Variants in GPATCH2 observed in about 807,000 individuals in gnomAD.
GPATCH2 encodes the protein G-patch domain containing 2.
In GPATCH2, 51 loss-of-function variants were observed where a neutral mutation model predicts 58.0. The ratio of observed to expected loss-of-function variants is 0.88; its 90% CI spans 0.70 to 1.11. The LOEUF is 1.11. Ranked by LOEUF, GPATCH2 falls within the 50% of genes most tolerant of loss-of-function variation. GPATCH2 has a pLI of 0.00. For synonymous variants in GPATCH2, 222 were observed against 218.5 expected, an observed-to-expected ratio of 1.02 and a Z score of -0.14; for missense variants, 625 against 652.2, an observed-to-expected ratio of 0.96 and a Z score of 0.45.
chr1:217,583,381 C>T (rs889018309), intron 5 of GPATCH2, among the ~76,000 whole-genome samples: 2 of 151,718 alleles, frequency 1.3e-5, no homozygotes, highest in Admixed American at 6.6e-5. Flanking sequence ...ACCAGCCTGG[C>T]AAACATGGTG....
chr1:217,544,439 ATCCTT>A (rs917411173), intron 5 of GPATCH2, among the ~76,000 whole-genome samples: 7 of 152,216 alleles, frequency 4.6e-5, no homozygotes, highest in African/African-American at 1.7e-4. Context: ...TGCGTCCACT[ATCCTT>A]TCCAACCCAG....
intron 5 of GPATCH2, among the ~76,000 whole-genome samples, chr1:217,568,981 G>T (rs1571935516): frequency 1.3e-5 from 2 of 152,096 alleles, no homozygotes; most frequent in South Asian, 4.2e-4. Flanking sequence ...GAATACATCT[G>T]CAAATAGATC....
At chr1:217,556,149 T>C (rs1457994955) in intron 5 of GPATCH2, among the ~76,000 whole-genome samples, 1 of 152,084 alleles carries the variant, frequency 6.6e-6, no homozygotes, top group Admixed American at 6.6e-5. Context: ...CATAAGAAAA[T>C]CCTAACATCT....
chr1:217,571,309 A>C (rs1253990560), intron 5 of GPATCH2, among the ~76,000 whole-genome samples: 2 of 152,176 alleles, frequency 1.3e-5, no homozygotes, highest in African/African-American at 2.4e-5. Flanking sequence ...GTGTAAATTG[A>C]GTTTTAGTTG....
At chr1:217,567,552 T>C (rs1170959377) in intron 5 of GPATCH2, among the ~76,000 whole-genome samples, 1 of 152,200 alleles carries the variant, frequency 6.6e-6, no homozygotes, top group Non-Finnish European at 1.5e-5. Flanking sequence ...TTTGTTCCCT[T>C]ATATCTGATT....
At chr1:217,463,276 T>C (rs993636140) in intron 8 of GPATCH2, among the ~76,000 whole-genome samples, 12 of 152,290 alleles carry the variant, frequency 7.9e-5, no homozygotes, top group African/African-American at 2.6e-4. Flanking sequence ...CACCAAATCA[T>C]AGTTTCTCAA....
rs561608890 is a variant in GPATCH2, at chr1:217,534,713, A to G, written c.1099-19824T>C. Among the ~76,000 whole-genome samples the G allele has an allele frequency of 2.0e-5, 3 of 152,280 alleles. No homozygotes were observed. The South Asian group carries it at 6.2e-4, about 32-fold the overall frequency. ...GCTGGATCCTTTTGGCCCTTTCCCA[A>G]TTCTCACTGGGTTACCAGATGTCAC... On this transcript the variant is annotated intron_variant, in intron 5 of 9. Transcript: ENST00000366935.
At chr1:217,547,668 C>A (rs762325330) in intron 5 of GPATCH2, among the ~76,000 whole-genome samples, 5 of 152,150 alleles carry the variant, frequency 3.3e-5, no homozygotes, top group Admixed American at 6.5e-5. Flanking sequence ...CACACAGACA[C>A]CATGGAATAC....
At chr1:217,498,662 G>A in intron 6 of GPATCH2, 1 of 548,438 alleles carries the variant, frequency 1.8e-6, no homozygotes, top group Non-Finnish European at 3.2e-6. Context: ...AAACTGCTGG[G>A]ACTGTATTCA....
At chr1:217,524,485 G>C (rs1357471063) in intron 5 of GPATCH2, among the ~76,000 whole-genome samples, 1 of 151,888 alleles carries the variant, frequency 6.6e-6, no homozygotes, top group Non-Finnish European at 1.5e-5. Context: ...CTGCAATCTC[G>C]GCTCTTTAGG....
chr1:217,537,718 A>T (rs1027348686), intron 5 of GPATCH2, among the ~76,000 whole-genome samples: 1 of 151,932 alleles, frequency 6.6e-6, no homozygotes. Flanking sequence ...TACATAAGGA[A>T]AAAAGGAAAT....
chr1:217,457,784 C>T (rs1660011472), intron 8 of GPATCH2, among the ~76,000 whole-genome samples: 1 of 152,092 alleles, frequency 6.6e-6, no homozygotes, highest in African/African-American at 2.4e-5. Context: ...TTAAATGTGT[C>T]ATAACATACA....
At chr1:217,453,903 G>A (rs1347140237) in intron 8 of GPATCH2, among the ~76,000 whole-genome samples, 2 of 152,150 alleles carry the variant, frequency 1.3e-5, no homozygotes, top group Admixed American at 1.3e-4. Flanking sequence ...GTGTTCCCAA[G>A]CAGCCTCGGA....
intron 8 of GPATCH2, among the ~76,000 whole-genome samples, chr1:217,468,515 C>CCACACACA (rs10524566): frequency 6.3e-5 from 9 of 142,620 alleles, no homozygotes; most frequent in African/African-American, 1.6e-4. Context: ...GCACACACAA[C>CCACACACA]CACACACACA....
chr1:217,539,934 T>C (rs1403617680), intron 5 of GPATCH2, among the ~76,000 whole-genome samples: 1 of 152,196 alleles, frequency 6.6e-6, no homozygotes, highest in Non-Finnish European at 1.5e-5. Context: ...TACTGTATGT[T>C]TGAAATAGTC....
chr1:217,523,128 G>A (rs908716262), intron 5 of GPATCH2, among the ~76,000 whole-genome samples: 2 of 151,596 alleles, frequency 1.3e-5, no homozygotes, highest in African/African-American at 2.4e-5. Context: ...ATTAGGAAAT[G>A]TCAATTCAGT....
At chr1:217,556,792 T>A (rs1025778969) in intron 5 of GPATCH2, among the ~76,000 whole-genome samples, 4 of 152,226 alleles carry the variant, frequency 2.6e-5, no homozygotes, top group African/African-American at 9.6e-5. Flanking sequence ...CCAAAATAGA[T>A]AAATCAGTGT....
intron 8 of GPATCH2, among the ~76,000 whole-genome samples, chr1:217,467,000 C>T (rs1660487516): frequency 1.3e-5 from 2 of 152,158 alleles, no homozygotes; most frequent in African/African-American, 4.8e-5. Context: ...TGGTGAAATC[C>T]CGTCTCTACT....
chr1:217,545,377 A>C (rs1664985128), intron 5 of GPATCH2, among the ~76,000 whole-genome samples: 1 of 152,232 alleles, frequency 6.6e-6, no homozygotes, highest in Non-Finnish European at 1.5e-5. Flanking sequence ...GTAAGATCTT[A>C]GAGTGAGGTC....
Sources: gnomAD v4.1 joint callset for allele counts (sites outside exome capture counted in the v4.1 genomes callset) on GRCh38, gnomAD v4.1.1 for gene constraint, MANE v1.5 for transcripts, NCBI Gene and HGNC (gene_info 2026-07-23, HGNC 2026-07-21) for gene names.